DGKB: variants seen among roughly 807,000 people sequenced by gnomAD.
DGKB encodes 90 kDa diacylglycerol kinase.
Under a neutral mutation model 114.3 loss-of-function variants are expected in DGKB, and 67 were observed. The observed-to-expected ratio is 0.59, with a 90% confidence interval of 0.48 to 0.72. The LOEUF is 0.72. Ranked by LOEUF, DGKB falls within the 30% of genes least tolerant of loss-of-function variation. DGKB has a pLI of 0.00. For synonymous variants in DGKB, 398 were observed against 323.1 expected (o/e 1.23, Z -2.49); for missense variants, 907 against 975.2 (o/e 0.93, Z 0.93).
At chr7:14,227,709 C>T (rs1281997147) in intron 23 of DGKB, among the ~76,000 whole-genome samples, 1 of 151,918 alleles carries the variant, frequency 6.6e-6, no homozygotes, top group Admixed American at 6.6e-5. Context: ...AACAAGGGCA[C>T]ATAATGGCAT....
Position 14,726,845 on chromosome 7 carries a change from A to G in DGKB, c.323-8160T>C, listed in dbSNP as rs532891747. On this transcript the variant is annotated intron_variant, in intron 5 of 25. Coordinates refer to ENST00000402815, the MANE Select transcript of DGKB (RefSeq NM_001350709.2). Reference sequence around the variant, plus strand: ...ACAATAAATATTCAGGACCCTTAAGATTAGTCATGTAAAACCAGACCCCAG... The same window carrying G: ...ACAATAAATATTCAGGACCCTTAAGGTTAGTCATGTAAAACCAGACCCCAG... 1.4e-3 allele frequency among the ~76,000 whole-genome samples: 211 copies of G among 152,344 alleles called. 1 individual carries two copies. The highest frequency in any genetic ancestry group is 4.9e-3 in the African/African-American group (203 of 41,584).
At chr7:14,212,850 G>T (rs1788349440) in intron 23 of DGKB, among the ~76,000 whole-genome samples, 2 of 151,840 alleles carry the variant, frequency 1.3e-5, no homozygotes, top group African/African-American at 4.8e-5. Context: ...TGACATCTCT[G>T]TCTTGTTCCT....
At chr7:14,726,557 C>T (rs1372554271) in intron 5 of DGKB, among the ~76,000 whole-genome samples, 1 of 152,160 alleles carries the variant, frequency 6.6e-6, no homozygotes, top group Non-Finnish European at 1.5e-5. Context: ...TTTCAAGACT[C>T]TTAAGGGTGG....
chr7:14,546,584 A>T (rs1423128538), intron 20 of DGKB, among the ~76,000 whole-genome samples: 2 of 152,140 alleles, frequency 1.3e-5, no homozygotes, highest in East Asian at 1.9e-4. Context: ...CTGGAAGGTA[A>T]GATTGTGTCT....
intron 25 of DGKB, 89 bp from the exon 26 acceptor site, chr7:14,149,327 T>TA (rs1401004672): frequency 1.1e-6 from 1 of 906,570 alleles, no homozygotes; most frequent in African/African-American, 1.7e-5. Flanking sequence ...CTGTTAAGGT[T>TA]AATAATATTT....
intron 23 of DGKB, among the ~76,000 whole-genome samples, chr7:14,255,610 T>A (rs115746162): frequency 0.021 from 3,141 of 152,262 alleles, 118 homozygotes; most frequent in African/African-American, 0.071. Context: ...CTAAAGACTT[T>A]CACGTGTAAA....
chr7:14,547,527 G>C (rs1423157648), intron 20 of DGKB, among the ~76,000 whole-genome samples: 1 of 152,088 alleles, frequency 6.6e-6, no homozygotes, highest in African/African-American at 2.4e-5. Flanking sequence ...ATATGGTTTT[G>C]TAAGTTAATT....
intron 16 of DGKB, 77 bp from the exon 17 acceptor site, chr7:14,607,585 TA>T: frequency 1.8e-6 from 1 of 549,756 alleles, no homozygotes; most frequent in East Asian, 3.4e-5. Context: ...CTCAGTGTTA[TA>T]AAATATATAT....
At chr7:14,516,671 G>C (rs1023198537) in intron 20 of DGKB, among the ~76,000 whole-genome samples, 2 of 152,116 alleles carry the variant, frequency 1.3e-5, no homozygotes, top group Admixed American at 1.3e-4. Flanking sequence ...TTTGGCTTCA[G>C]CTTGAACGTT....
chr7:14,571,925 G>T (rs1482103475), intron 20 of DGKB, among the ~76,000 whole-genome samples: 1 of 152,094 alleles, frequency 6.6e-6, no homozygotes, highest in Non-Finnish European at 1.5e-5. Flanking sequence ...TAGGAACAAT[G>T]ATAACCACTG....
intron 1 of DGKB, among the ~76,000 whole-genome samples, chr7:14,960,369 G>GT (rs904413544): frequency 2.1e-4 from 32 of 151,706 alleles, no homozygotes; most frequent in Non-Finnish European, 3.8e-4. Flanking sequence ...CACCTAAAAA[G>GT]TTTTTTTAAT....
At chr7:14,407,046 G>A (rs1472623304) in intron 21 of DGKB, among the ~76,000 whole-genome samples, 2 of 152,048 alleles carry the variant, frequency 1.3e-5, no homozygotes, top group African/African-American at 4.8e-5. Flanking sequence ...TCTATAGAAG[G>A]TCAAACAGTA....
intron 20 of DGKB, among the ~76,000 whole-genome samples, chr7:14,509,123 T>C (rs1387107614): frequency 6.6e-6 from 1 of 152,204 alleles, no homozygotes; most frequent in Non-Finnish European, 1.5e-5. Context: ...TTTTGATTCC[T>C]GGTCAATTTA....
At chr7:14,515,440 C>T (rs894513240) in intron 20 of DGKB, among the ~76,000 whole-genome samples, 1 of 152,054 alleles carries the variant, frequency 6.6e-6, no homozygotes, top group Non-Finnish European at 1.5e-5. Context: ...ACACTTTTTC[C>T]CTGCTGTTAC....
At chr7:14,425,312 A>G (rs911904668) in intron 21 of DGKB, among the ~76,000 whole-genome samples, 2 of 152,126 alleles carry the variant, frequency 1.3e-5, no homozygotes, top group African/African-American at 4.8e-5. Flanking sequence ...GCAATGTACC[A>G]TTATACTAAG....
chr7:14,881,395 A>G (rs1359324648), intron 1 of DGKB, among the ~76,000 whole-genome samples: 1 of 152,168 alleles, frequency 6.6e-6, no homozygotes, highest in Non-Finnish European at 1.5e-5. Flanking sequence ...GCCTATTATG[A>G]CAACAAGTAT....
At chr7:14,310,722 T>G (rs1032693892) in intron 23 of DGKB, among the ~76,000 whole-genome samples, 1 of 152,220 alleles carries the variant, frequency 6.6e-6, no homozygotes, top group African/African-American at 2.4e-5. Flanking sequence ...CAGGAACATA[T>G]GAAGTTGTAA....
At chr7:14,873,607 A>C (rs1017458450) in intron 1 of DGKB, among the ~76,000 whole-genome samples, 2 of 151,930 alleles carry the variant, frequency 1.3e-5, no homozygotes, top group African/African-American at 4.8e-5. Flanking sequence ...TTACCAACCT[A>C]ATCTCCATTA....
intron 21 of DGKB, among the ~76,000 whole-genome samples, chr7:14,392,680 T>A (rs1025595116): frequency 8.5e-5 from 13 of 152,130 alleles, no homozygotes; most frequent in African/African-American, 3.1e-4. Flanking sequence ...TTGTCTAAAC[T>A]CAGAAAGTGG....
Sources: gnomAD v4.1 joint callset for allele counts (sites outside exome capture counted in the v4.1 genomes callset) on GRCh38, gnomAD v4.1.1 for gene constraint, MANE v1.5 for transcripts, NCBI Gene and HGNC (gene_info 2026-07-23, HGNC 2026-07-21) for gene names.